ARHGEF17: variants seen among roughly 807,000 people sequenced by gnomAD.
ARHGEF17 encodes the protein Rho guanine nucleotide exchange factor 17.
ARHGEF17 carries 80 observed loss-of-function variants against 174.0 expected under a neutral mutation model. The observed-to-expected ratio is 0.46, with a 90% CI of 0.38 to 0.55. The LOEUF (loss-of-function observed/expected upper bound fraction) is 0.55, where lower values mean the gene tolerates loss of function less well. Among genes scored for constraint, ARHGEF17 ranks in the 20% least tolerant of loss-of-function variants. ARHGEF17 has a pLI of 0.00. For missense variants in ARHGEF17, 2,886 were observed against 2,839.7 expected, an observed-to-expected ratio of 1.02 and a Z score of -0.37; for synonymous variants, 1,311 against 1,189.1, an observed-to-expected ratio of 1.10 and a Z score of -2.11.
chr11:73,325,605 C>T (rs1591728753), intron 1 of ARHGEF17, among the ~76,000 whole-genome samples: 1 of 152,346 alleles, frequency 6.6e-6, no homozygotes, highest in East Asian at 1.9e-4. Flanking sequence ...ATTTCCATAC[C>T]CACAAAGACA....
intron 14 of ARHGEF17, 84 bp downstream of exon 14, chr11:73,362,818 G>C (rs1189498647): frequency 6.7e-7 from 1 of 1,489,104 alleles, no homozygotes; most frequent in Non-Finnish European, 9.0e-7. Flanking sequence ...GACCAGTGTA[G>C]GGCAAAGGCA....
At chr11:73,324,448 C>T (rs1301108886) in intron 1 of ARHGEF17, among the ~76,000 whole-genome samples, 1 of 152,200 alleles carries the variant, frequency 6.6e-6, no homozygotes, top group Admixed American at 6.5e-5. Flanking sequence ...ATGCCTAGCC[C>T]TATGTTGCTG....
At chr11:73,348,312 C>T (rs1251000805) in intron 2 of ARHGEF17, among the ~76,000 whole-genome samples, 2 of 152,180 alleles carry the variant, frequency 1.3e-5, no homozygotes, top group Admixed American at 1.3e-4. Flanking sequence ...GTGGTAAGGG[C>T]CTGTCTCCTG....
chr11:73,308,916 G>C lies in ARHGEF17; in HGVS notation c.278G>C (p.Arg93Pro). 2 of 1,365,094 alleles carry C rather than the reference G, an allele frequency of 1.5e-6. No homozygotes were observed. The highest frequency in any genetic ancestry group is 1.9e-6 in the Non-Finnish European group (2 of 1,065,212). 84.6% of individuals were successfully genotyped at this position (1,365,094 alleles called of 1,614,324 possible). A position where few individuals can be genotyped will look rare whatever the true frequency, so the allele number is the denominator to read the frequency against. The change falls in exon 1 of 21, where the codon CGT becomes CCT. Residue 93 changes from arginine (R) to proline (P), a missense_variant. Coordinates refer to ENST00000263674, the MANE Select transcript of ARHGEF17 (RefSeq NM_014786.4). ...CTCTCCCGGCGCTTCGACGCGCCGC[G>C]TCTGGACGACGGCTCCGCTGGGACC... ...RQLSRRFDAP[R>P]LDDGSAGTRD...
At chr11:73,353,640 C>T (rs1865591478) in intron 3 of ARHGEF17, among the ~76,000 whole-genome samples, 1 of 152,138 alleles carries the variant, frequency 6.6e-6, no homozygotes, top group South Asian at 2.1e-4. Flanking sequence ...TGGTGGAGGA[C>T]TCAACTCCAG....
chr11:73,365,322 C>T lies in ARHGEF17; in HGVS notation c.5551-68C>T. 1 of 1,570,346 alleles carries T rather than the reference C, an allele frequency of 6.4e-7. No individual in the cohort carries two copies. Among genetic ancestry groups the T allele is most frequent in the Non-Finnish European group, 8.7e-7 (1 of 1,149,722 alleles). On this transcript the variant is annotated intron_variant, in intron 18 of 20. Coordinates refer to ENST00000263674, the MANE Select transcript of ARHGEF17 (RefSeq NM_014786.4). This position sits in a 1 kb window ranked among gnomAD's most constrained non-coding sequence, Gnocchi z 4.9. The stretch of plus-strand genomic sequence containing the variant: ...TTGTGAGGGATGGACACTGGTGAAG[C>T]TCCAGGCTAGGGTGGGCCAAGGGAG...
chr11:73,353,104 C>G (rs1326946874), intron 3 of ARHGEF17, 92 bp downstream of exon 3: 3 of 1,481,490 alleles, frequency 2.0e-6, no homozygotes, highest in Non-Finnish European at 1.8e-6. Context: ...ACCCATCCCA[C>G]CTGGATACTG....
At chr11:73,315,166 G>A (rs1311806919) in intron 1 of ARHGEF17, among the ~76,000 whole-genome samples, 2 of 152,274 alleles carry the variant, frequency 1.3e-5, no homozygotes, top group East Asian at 3.9e-4. Context: ...AAGGAGATTG[G>A]CCTGCCATCT....
At chr11:73,347,084 C>T (rs778350676) in intron 2 of ARHGEF17, 124 bp downstream of exon 2, 5 of 963,868 alleles carry the variant, frequency 5.2e-6, no homozygotes, top group African/African-American at 3.2e-5. Flanking sequence ...CCCTGGCATC[C>T]GTCGCCTTTC....
intron 20 of ARHGEF17, 115 bp from the exon 21 acceptor site, chr11:73,367,469 T>A: frequency 1.1e-6 from 1 of 876,012 alleles, no homozygotes; most frequent in Non-Finnish European, 1.7e-6. Context: ...GATTCCCCCA[T>A]AGGAAGTGTG....
chr11:73,325,918 G>A (rs1209038552), intron 1 of ARHGEF17, among the ~76,000 whole-genome samples: 4 of 152,336 alleles, frequency 2.6e-5, no homozygotes, highest in South Asian at 2.1e-4. Context: ...ACTGAGAACC[G>A]GGGTGTTCAC....
chr11:73,361,044 G>A (rs780196405), intron 11 of ARHGEF17, 44 bp from the exon 12 acceptor site: 1 of 1,525,634 alleles, frequency 6.6e-7, no homozygotes, highest in Non-Finnish European at 9.1e-7. Flanking sequence ...TGAGATGGAT[G>A]CTATGCTAAG....
intron 1 of ARHGEF17, among the ~76,000 whole-genome samples, chr11:73,346,368 C>T (rs1012209470): frequency 6.6e-6 from 1 of 152,162 alleles, no homozygotes; most frequent in Admixed American, 6.5e-5. Context: ...GCACTGACTT[C>T]CCCTCTCTGG....
chr11:73,357,161 G>A (rs1181810610), intron 8 of ARHGEF17, 27 bp downstream of exon 8: 2 of 1,612,818 alleles, frequency 1.2e-6, no homozygotes, highest in African/African-American at 1.3e-5. Flanking sequence ...GGGTTTGGGT[G>A]GTGCCAACAG....
rs368720535 is a variant in ARHGEF17 at position 73,309,859 on chromosome 11, T to C, written c.1221T>C (p.Ser407=). The C allele has an allele frequency of 1.2e-6, 2 of 1,613,064 alleles. No individual in the cohort carries two copies. The highest frequency in any genetic ancestry group is 3.3e-5 in the Admixed American group (2 of 59,998). ...ETLKDDDLWS[S]RGSGGWGVYR... is the part of the protein sequence containing the mutation. ...TCAAGGACGACGACCTATGGTCTAG[T>C]AGGGGTTCTGGGGGCTGGGGCGTGT... is the stretch of plus-strand genomic sequence containing the variant. Residue 407 remains serine (S), a synonymous_variant, in exon 1 of 21, where the codon AGT becomes AGC. Coordinates refer to ENST00000263674, the MANE Select transcript of ARHGEF17 (RefSeq NM_014786.4).
In ARHGEF17 at chr11:73,364,562, C is replaced by T. The variant is rs1478612769; in HGVS notation, c.5512C>T (p.Arg1838Ter). 3 of 1,613,630 alleles carry T rather than the reference C, an allele frequency of 1.9e-6. No individual in the cohort carries two copies. The highest frequency in any genetic ancestry group is 1.3e-5 in the African/African-American group (1 of 74,998). ...GGRLWCGCQN[R>*]VLVLSPDTLQ... ...GCGGCTGTGGTGTGGCTGCCAGAAC[C>T]GAGTCCTTGTCCTGAGCCCTGACAC... The change falls in exon 18 of 21, where the codon CGA becomes TGA. Residue 1838 changes from arginine to a stop codon, truncating the protein, a stop_gained. Coordinates refer to ENST00000263674, the MANE Select transcript of ARHGEF17 (RefSeq NM_014786.4). LOFTEE classifies it high-confidence loss of function.
chr11:73,355,708 GCCCCAGGAGCT>G, intron 4 of ARHGEF17, 59 bp downstream of exon 4: 26 of 1,568,436 alleles, frequency 1.7e-5, no homozygotes, highest in Non-Finnish European at 2.1e-5. Context: ...AGCTTTGAGG[GCCCCAGGAGCT>G]CCCAGCGTGG....
chr11:73,316,966 GC>G (rs1163694043), intron 1 of ARHGEF17, among the ~76,000 whole-genome samples: 2 of 152,174 alleles, frequency 1.3e-5, no homozygotes, highest in African/African-American at 4.8e-5. Context: ...TTCTGCTGCA[GC>G]CCCAGGGGCT....
chr11:73,325,669 C>T (rs917512789), intron 1 of ARHGEF17, among the ~76,000 whole-genome samples: 2 of 152,352 alleles, frequency 1.3e-5, no homozygotes, highest in African/African-American at 4.8e-5. Context: ...CTGGAGCAAG[C>T]TTTGATGACA....
Sources: allele counts gnomAD v4.1 joint callset (sites outside exome capture counted in the v4.1 genomes callset), GRCh38; gene constraint gnomAD v4.1.1; non-coding constraint Gnocchi (gnomAD v3.1); transcripts MANE v1.5; gene names NCBI Gene and HGNC (gene_info 2026-07-23, HGNC 2026-07-21).